The following FOXP2 variants were observed in gnomAD, a reference collection of about 807,000 sequenced individuals.
FOXP2 encodes forkhead box P2.
FOXP2 carries 12 observed loss-of-function variants against 115.8 expected under a neutral mutation model. That is an observed-to-expected ratio of 0.10 (90% confidence interval 0.07 to 0.17). The LOEUF is 0.17. Ranked by LOEUF, FOXP2 falls within the 10% of genes least tolerant of loss-of-function variation. The pLI, the probability that FOXP2 is intolerant of heterozygous loss-of-function variation, is 1.00. For missense variants in FOXP2, 629 were observed against 843.5 expected, an observed-to-expected ratio of 0.75 and a Z score of 3.15; for synonymous variants, 328 against 297.7, an observed-to-expected ratio of 1.10 and a Z score of -1.05.
At chr7:114,122,704 T>A (rs1398770032) in intron 1 of FOXP2, among the ~76,000 whole-genome samples, 3 of 152,102 alleles carry the variant, frequency 2.0e-5, no homozygotes, top group African/African-American at 7.2e-5. Flanking sequence ...CACTGCATTT[T>A]AAAAAATTTT....
Position 114,690,923 on chromosome 7 carries a change from A to G in FOXP2, c.*997A>G, listed in dbSNP as rs1482818179. 1.1e-5 allele frequency: 5 copies of G among 454,394 alleles called. No individual in the cohort carries two copies. Among genetic ancestry groups the G allele is most frequent in the Admixed American group, 2.4e-5 (1 of 42,540 alleles). 28.1% of individuals were successfully genotyped at this position (454,394 alleles called of 1,614,324 possible). On this transcript the variant is annotated 3_prime_UTR_variant, in exon 17 of 17. Transcript: ENST00000350908. ...CCCTAAACAAAGAAACAAATATGAC[A>G]AAAACCACAACTAAAAAATGTTAAT...
intron 1 of FOXP2, among the ~76,000 whole-genome samples, chr7:114,264,191 C>T (rs1480283911): frequency 6.6e-6 from 1 of 152,070 alleles, no homozygotes; most frequent in South Asian, 2.1e-4. Flanking sequence ...AGAGAGCTGT[C>T]CAGAGGCTAA....
chr7:114,636,622 A>G (rs1445414856), intron 6 of FOXP2, among the ~76,000 whole-genome samples: 1 of 116,458 alleles, frequency 8.6e-6, no homozygotes, highest in Non-Finnish European at 1.9e-5. Flanking sequence ...CATTGAAAAA[A>G]TCTTTTTTTT....
chr7:114,324,897 A>G (rs1797519470), intron 2 of FOXP2, among the ~76,000 whole-genome samples: 1 of 151,714 alleles, frequency 6.6e-6, no homozygotes, highest in Admixed American at 6.6e-5. Context: ...TGGGAGATAA[A>G]TGTTCTTTTT....
At chr7:114,503,007 G>T (rs1029350610) in intron 2 of FOXP2, among the ~76,000 whole-genome samples, 8 of 151,972 alleles carry the variant, frequency 5.3e-5, no homozygotes, top group Non-Finnish European at 8.8e-5. Context: ...CTCTCACTGG[G>T]ATTCTTAATC....
At chr7:114,539,747 GGCT>G (rs1232673134) in intron 3 of FOXP2, among the ~76,000 whole-genome samples, 1 of 151,984 alleles carries the variant, frequency 6.6e-6, no homozygotes, top group Non-Finnish European at 1.5e-5. Context: ...AGCTGCTCAA[GGCT>G]GACACCCTGT....
chr7:114,110,168 G>A (rs1791231719), intron 1 of FOXP2, among the ~76,000 whole-genome samples: 1 of 152,146 alleles, frequency 6.6e-6, no homozygotes, highest in South Asian at 2.1e-4. Context: ...ATGTGTGCTA[G>A]CCCTAGTCGT....
At chr7:114,574,661 ATCT>A (rs1801486424) in intron 3 of FOXP2, among the ~76,000 whole-genome samples, 1 of 151,850 alleles carries the variant, frequency 6.6e-6, no homozygotes, top group Non-Finnish European at 1.5e-5. Flanking sequence ...TCTGCAAGTA[ATCT>A]TATTGTTAGT....
chr7:114,119,055 T>C (rs1280308129), intron 1 of FOXP2, among the ~76,000 whole-genome samples: 1 of 152,196 alleles, frequency 6.6e-6, no homozygotes, highest in Non-Finnish European at 1.5e-5. Context: ...GTTCATTCTT[T>C]CATTCCCATG....
chr7:114,475,430 C>T (rs1296830815), intron 2 of FOXP2, among the ~76,000 whole-genome samples: 1 of 151,906 alleles, frequency 6.6e-6, no homozygotes, highest in Non-Finnish European at 1.5e-5. Flanking sequence ...GTCAAGCCTG[C>T]ATGAAAGTAA....
At chr7:114,464,340 T>A (rs190444461) in intron 2 of FOXP2, among the ~76,000 whole-genome samples, 132 of 152,222 alleles carry the variant, frequency 8.7e-4, no homozygotes, top group Middle Eastern at 6.8e-3. Context: ...CTTATGACCT[T>A]TAAAAAAGGA....
chr7:114,651,799 A>G (rs1806270854), intron 8 of FOXP2, among the ~76,000 whole-genome samples: 1 of 152,162 alleles, frequency 6.6e-6, no homozygotes, highest in Admixed American at 6.6e-5. Flanking sequence ...AAAATACATC[A>G]TAGAAACAAC....
intron 2 of FOXP2, among the ~76,000 whole-genome samples, chr7:114,530,369 C>T (rs1312759927): frequency 2.0e-5 from 3 of 151,782 alleles, no homozygotes; most frequent in Non-Finnish European, 4.4e-5. Flanking sequence ...GAATGTGTCA[C>T]GCTGTGCTGT....
At chr7:114,480,766 C>T (rs755774143) in intron 2 of FOXP2, among the ~76,000 whole-genome samples, 10 of 149,540 alleles carry the variant, frequency 6.7e-5, no homozygotes, top group East Asian at 2.0e-4. Flanking sequence ...TATATATATA[C>T]GTATACATAC....
intron 1 of FOXP2, among the ~76,000 whole-genome samples, chr7:114,182,946 A>G (rs1793495838): frequency 6.6e-6 from 1 of 152,080 alleles, no homozygotes; most frequent in Non-Finnish European, 1.5e-5. Flanking sequence ...CAGAAAAATA[A>G]TCACACTTGG....
chr7:114,652,043 A>G (rs1245096952), intron 8 of FOXP2, among the ~76,000 whole-genome samples, 160 bp from the exon 9 acceptor site: 1 of 152,158 alleles, frequency 6.6e-6, no homozygotes, highest in Admixed American at 6.6e-5. Flanking sequence ...TTTTCACACA[A>G]CACGTAAGCA....
chr7:114,138,891 C>T (rs1792122868), intron 1 of FOXP2, among the ~76,000 whole-genome samples: 1 of 152,088 alleles, frequency 6.6e-6, no homozygotes. Flanking sequence ...GAAAAAGGGA[C>T]ATTAGGTAAA....
chr7:114,122,705 A>T (rs1791599226), intron 1 of FOXP2, among the ~76,000 whole-genome samples: 3 of 152,118 alleles, frequency 2.0e-5, no homozygotes, highest in African/African-American at 7.2e-5. Flanking sequence ...ACTGCATTTT[A>T]AAAAATTTTA....
intron 3 of FOXP2, among the ~76,000 whole-genome samples, chr7:114,609,128 G>T (rs1411457479): frequency 4.6e-5 from 7 of 151,572 alleles, no homozygotes; most frequent in Admixed American, 2.6e-4. Context: ...CAAGAGAATC[G>T]CTTGAACCCA....
Sources: allele counts gnomAD v4.1 joint callset (sites outside exome capture counted in the v4.1 genomes callset), GRCh38; gene constraint gnomAD v4.1.1; transcripts MANE v1.5; gene names NCBI Gene and HGNC (gene_info 2026-07-23, HGNC 2026-07-21).